Variants in NSMCE1 observed in about 807,000 individuals in gnomAD.
NSMCE1 encodes NSE1 component of SMC5/6 complex.
Under a neutral mutation model 29.6 loss-of-function variants are expected in NSMCE1, and 18 were observed. The observed-to-expected ratio is 0.61, with a 90% CI of 0.42 to 0.90. NSMCE1 has a LOEUF of 0.90. NSMCE1 is among the 40% of genes least tolerant of loss of function. The pLI is 0.00. For missense variants in NSMCE1, 314 were observed against 343.6 expected, an observed-to-expected ratio of 0.91 and a Z score of 0.68; for synonymous variants, 124 against 133.4, an observed-to-expected ratio of 0.93 and a Z score of 0.49.
chr16:27,242,922 G>A (rs942369357), intron 2 of NSMCE1, among the ~76,000 whole-genome samples: 1 of 152,186 alleles, frequency 6.6e-6, no homozygotes, highest in Non-Finnish European at 1.5e-5. Context: ...CCCAGCCCCT[G>A]AAACCAGAGC....
At chr16:27,250,317 C>A (rs1037836913) in intron 2 of NSMCE1, among the ~76,000 whole-genome samples, 3 of 152,114 alleles carry the variant, frequency 2.0e-5, no homozygotes, top group Non-Finnish European at 4.4e-5. Context: ...TTGTCTTTCT[C>A]CTGAGATTAG....
At chr16:27,227,335 C>T (rs993237013) in intron 5 of NSMCE1, among the ~76,000 whole-genome samples, 1 of 152,238 alleles carries the variant, frequency 6.6e-6, no homozygotes, top group African/African-American at 2.4e-5. Context: ...CACTTCCAGC[C>T]ACATCACTTT....
At chr16:27,265,370 G>A (rs181333647) in intron 1 of NSMCE1, among the ~76,000 whole-genome samples, 33 of 151,872 alleles carry the variant, frequency 2.2e-4, no homozygotes, top group African/African-American at 7.7e-4. Context: ...GGTCTCACCT[G>A]TTGCCCCAGC....
intron 2 of NSMCE1, among the ~76,000 whole-genome samples, chr16:27,244,207 T>C (rs2083925841): frequency 6.6e-6 from 1 of 152,254 alleles, no homozygotes; most frequent in Non-Finnish European, 1.5e-5. Flanking sequence ...TTCTGCTGCC[T>C]GGTCTCCGTT....
At chr16:27,237,912 A>G (rs2083843765) in intron 2 of NSMCE1, among the ~76,000 whole-genome samples, 1 of 152,080 alleles carries the variant, frequency 6.6e-6, no homozygotes, top group South Asian at 2.1e-4. Flanking sequence ...TGCACACACC[A>G]GCCACTGCTT....
chr16:27,239,525 T>C (rs1442334823), intron 2 of NSMCE1, among the ~76,000 whole-genome samples: 1 of 152,234 alleles, frequency 6.6e-6, no homozygotes, highest in Non-Finnish European at 1.5e-5. Flanking sequence ...CTTTGAAGAC[T>C]TAGGAGTTAA....
chr16:27,237,764 A>AG (rs963901344), intron 2 of NSMCE1, among the ~76,000 whole-genome samples: 1 of 152,216 alleles, frequency 6.6e-6, no homozygotes, highest in Non-Finnish European at 1.5e-5. Flanking sequence ...CGTTGCAGGG[A>AG]GGGAGCCAGC....
At chr16:27,227,913 G>A (rs974486590) in intron 5 of NSMCE1, among the ~76,000 whole-genome samples, 1 of 151,780 alleles carries the variant, frequency 6.6e-6, no homozygotes, top group Non-Finnish European at 1.5e-5. Context: ...AGCCTCCTGA[G>A]TAGCTGGGAT....
chr16:27,251,189 T>TATATATATATATATA (rs1459861130), intron 2 of NSMCE1, among the ~76,000 whole-genome samples: 5 of 58,834 alleles, frequency 8.5e-5, no homozygotes, highest in Non-Finnish European at 1.2e-4. Flanking sequence ...TATATATATA[T>TATATATATATATATA]AAATATATAT....
At position 27,226,761 on chromosome 16, in the gene NSMCE1, C is replaced by T. The variant is rs765413529; in HGVS notation, c.559G>A (p.Ala187Thr). Residue 187 changes from alanine to threonine, a missense_variant, in exon 6 of 8, where the codon GCG becomes ACG. By Grantham distance (58) the Ala-to-Thr change is moderately conservative. Coordinates refer to ENST00000361439, the MANE Select transcript of NSMCE1 (RefSeq NM_145080.4). ...TGACAGATATTGCAGATCTTCACCG[C>T]GTCGGGGTACGTCTCCCGGATGTAT... is the stretch of plus-strand genomic sequence containing the variant. ...EQYIRETYPDAVKICNICHSL... is the reference protein window; with the variant it reads ...EQYIRETYPDTVKICNICHSL... The T allele has an allele frequency of 4.3e-6, 7 of 1,613,804 alleles. No individual in the cohort carries two copies. The highest frequency in any genetic ancestry group is 4.5e-5 in the East Asian group (2 of 44,892).
intron 5 of NSMCE1, among the ~76,000 whole-genome samples, chr16:27,229,119 G>C (rs1371896638): frequency 6.6e-6 from 1 of 152,152 alleles, no homozygotes; most frequent in African/African-American, 2.4e-5. Flanking sequence ...CCGTCTGCTC[G>C]CCTCGCAATC....
intron 5 of NSMCE1, among the ~76,000 whole-genome samples, chr16:27,228,754 T>C (rs879181437): frequency 1.2e-5 from 1 of 82,200 alleles, no homozygotes; most frequent in Non-Finnish European, 2.4e-5. Context: ...ACTCCACCTC[T>C]CCAGCCCTCA....
At chr16:27,260,003 TAAAGGA>T (rs1406965127) in intron 1 of NSMCE1, among the ~76,000 whole-genome samples, 1 of 152,036 alleles carries the variant, frequency 6.6e-6, no homozygotes, top group Non-Finnish European at 1.5e-5. Flanking sequence ...AGGTGCTCCC[TAAAGGA>T]AATTCCAAAG....
intron 1 of NSMCE1, among the ~76,000 whole-genome samples, chr16:27,261,158 C>A (rs2084152682): frequency 8.4e-6 from 1 of 119,640 alleles, no homozygotes; most frequent in African/African-American, 3.4e-5. Context: ...CAAAGCAAGA[C>A]TCCGTCTCAA....
intron 1 of NSMCE1, among the ~76,000 whole-genome samples, chr16:27,267,929 G>T (rs1030769485): frequency 6.6e-6 from 1 of 152,028 alleles, no homozygotes; most frequent in Non-Finnish European, 1.5e-5. Context: ...TTTTAGTAGA[G>T]ACAGGGTTTC....
chr16:27,247,609 C>T (rs751832023), intron 2 of NSMCE1, among the ~76,000 whole-genome samples: 1 of 152,098 alleles, frequency 6.6e-6, no homozygotes, highest in South Asian at 2.1e-4. Flanking sequence ...CAGTCAGGTA[C>T]GCATTGTCTA....
chr16:27,225,838 G>C lies in NSMCE1; in HGVS notation c.609C>G (p.Ser203Arg). 1 of 1,614,092 alleles carries C rather than the reference G, an allele frequency of 6.2e-7. No individual in the cohort carries two copies. Among genetic ancestry groups the C allele is most frequent in the South Asian group, 1.1e-5 (1 of 91,086 alleles). Reference protein sequence around the residue: ...ICHSLLIQGQSCETCGIRMHL... With the variant: ...ICHSLLIQGQRCETCGIRMHL... ...GCATCCTGATCCCACAGGTTTCGCAGCTTTGACCCTGAAACAGGAAAGGCC... is the reference window on the plus strand; with the variant it reads ...GCATCCTGATCCCACAGGTTTCGCACCTTTGACCCTGAAACAGGAAAGGCC... Residue 203 changes from serine to arginine, a missense_variant, in exon 7 of 8, where the codon AGC (serine) becomes AGG (arginine). Transcript: ENST00000361439.
At chr16:27,260,225 A>G (rs1237793130) in intron 1 of NSMCE1, among the ~76,000 whole-genome samples, 2 of 152,238 alleles carry the variant, frequency 1.3e-5, no homozygotes, top group African/African-American at 2.4e-5. Context: ...AACTAAATAC[A>G]CAAAAATAAT....
intron 3 of NSMCE1, among the ~76,000 whole-genome samples, chr16:27,234,493 G>A (rs2083797809): frequency 1.3e-5 from 2 of 152,202 alleles, no homozygotes; most frequent in Non-Finnish European, 2.9e-5. Context: ...TCCAAAGGGT[G>A]TGCAGTATTT....
Sources: gnomAD v4.1 joint callset for allele counts (sites outside exome capture counted in the v4.1 genomes callset) on GRCh38, gnomAD v4.1.1 for gene constraint, MANE v1.5 for transcripts, NCBI Gene and HGNC (gene_info 2026-07-23, HGNC 2026-07-21) for gene names.